Variants in CHRM2 observed in about 807,000 individuals in gnomAD.
CHRM2 encodes muscarinic acetylcholine receptor M2.
CHRM2 carries 8 observed loss-of-function variants against 25.0 expected under a neutral mutation model. That is an observed-to-expected ratio of 0.32 (90% CI 0.19 to 0.58). CHRM2 has a LOEUF of 0.58. Among genes scored for constraint, CHRM2 ranks in the 20% least tolerant of loss-of-function variants. The probability of loss-of-function intolerance (pLI) is 0.88; values close to 1 mark genes in which losing one functional copy is unlikely to be tolerated. For synonymous variants in CHRM2, 202 were observed against 205.7 expected (o/e 0.98, Z 0.15); for missense variants, 440 against 567.1 (o/e 0.78, Z 2.28).
intron 3 of CHRM2, among the ~76,000 whole-genome samples, chr7:137,006,276 G>C (rs367861084): frequency 6.6e-6 from 1 of 152,100 alleles, no homozygotes; most frequent in Non-Finnish European, 1.5e-5. Context: ...GGCAGGAGTT[G>C]TATATTGTGT....
intron 2 of CHRM2, chr7:136,902,831 T>C (rs1367086957): frequency 3.6e-6 from 1 of 278,200 alleles, no homozygotes; most frequent in Non-Finnish European, 6.9e-6. Flanking sequence ...CTCAATCAAG[T>C]ACAATTTAAT....
chr7:136,930,356 T>C (rs1798990246), intron 2 of CHRM2, among the ~76,000 whole-genome samples: 2 of 151,604 alleles, frequency 1.3e-5, no homozygotes, highest in South Asian at 4.2e-4. Flanking sequence ...AATAAAGGTT[T>C]CAAAAAGCAT....
chr7:136,881,490 GT>G lies in CHRM2; in HGVS notation c.-125+12074del, dbSNP rs553989146. On this transcript the variant is annotated intron_variant, in intron 2 of 3. Coordinates refer to ENST00000680005, the MANE Select transcript of CHRM2 (RefSeq NM_001006630.2). ...TTTGCTATTGTATTATTTTATTCTTGTTCTGTATTTTCTCTAATCTTACATT... is the reference window on the plus strand; with the variant it reads ...TTTGCTATTGTATTATTTTATTCTTGTCTGTATTTTCTCTAATCTTACATT... 1.9e-4 allele frequency among the ~76,000 whole-genome samples: 29 copies of G among 151,878 alleles called. 1 individual carries two copies. In the South Asian group the frequency reaches 6.0e-3, roughly 31 times the overall value.
Position 136,943,730 on chromosome 7 carries a change from T to C in CHRM2, c.-124-48457T>C, listed in dbSNP as rs528966402. Among the ~76,000 whole-genome samples the C allele has an allele frequency of 2.4e-4, 9 of 37,278 alleles. No individual in the cohort carries two copies. In the South Asian group the frequency reaches 4.0e-3, roughly 17 times the overall value. 24.5% of individuals were successfully genotyped at this position (37,278 alleles called of 152,430 possible). A position where few individuals can be genotyped will look rare whatever the true frequency, so the allele number is the denominator to read the frequency against. On this transcript the variant is annotated intron_variant, in intron 2 of 3. Coordinates refer to ENST00000680005, the MANE Select transcript of CHRM2 (RefSeq NM_001006630.2). Reference sequence around the variant, plus strand: ...AGTTTTTCAAGGCAGTATCAATGATTATCTCAGAAATTCAACAGGAGAATA... The same window carrying C: ...AGTTTTTCAAGGCAGTATCAATGATCATCTCAGAAATTCAACAGGAGAATA...
chr7:137,010,690 T>A (rs1216718911), intron 3 of CHRM2, among the ~76,000 whole-genome samples: 3 of 151,976 alleles, frequency 2.0e-5, no homozygotes, highest in Admixed American at 1.3e-4. Flanking sequence ...AATATTAGTA[T>A]AATCAGGCAA....
chr7:137,014,453 T>G (rs2131128203), intron 3 of CHRM2, among the ~76,000 whole-genome samples: 1 of 152,166 alleles, frequency 6.6e-6, no homozygotes, highest in African/African-American at 2.4e-5. Flanking sequence ...AGGAATCCCT[T>G]GATGTTTTAG....
At chr7:136,958,023 A>G (rs925638948) in intron 2 of CHRM2, among the ~76,000 whole-genome samples, 6 of 152,370 alleles carry the variant, frequency 3.9e-5, no homozygotes, top group Non-Finnish European at 5.9e-5. Flanking sequence ...GCTTGATATT[A>G]TGTAATCTAT....
At chr7:136,877,617 G>A (rs1196672877) in intron 2 of CHRM2, among the ~76,000 whole-genome samples, 1 of 152,024 alleles carries the variant, frequency 6.6e-6, no homozygotes, top group Non-Finnish European at 1.5e-5. Flanking sequence ...TAGAGAAAGT[G>A]AGAGAATTGT....
At chr7:136,892,985 A>G (rs1045167289) in intron 2 of CHRM2, among the ~76,000 whole-genome samples, 1 of 152,126 alleles carries the variant, frequency 6.6e-6, no homozygotes, top group Non-Finnish European at 1.5e-5. Flanking sequence ...GGTTAGATTA[A>G]GAGTGCATGT....
At chr7:136,958,783 G>A (rs1800882082) in intron 2 of CHRM2, among the ~76,000 whole-genome samples, 1 of 152,018 alleles carries the variant, frequency 6.6e-6, no homozygotes, top group South Asian at 2.1e-4. Context: ...AGTAAGAATG[G>A]GTAAGGAAGT....
At chr7:136,947,824 A>G (rs1310233065) in intron 2 of CHRM2, among the ~76,000 whole-genome samples, 1 of 152,168 alleles carries the variant, frequency 6.6e-6, no homozygotes, top group Non-Finnish European at 1.5e-5. Flanking sequence ...TCTTGGGTAC[A>G]ACTGGAGATA....
Position 137,015,121 on chromosome 7 carries a change from A to G in CHRM2, c.256A>G (p.Ile86Val), listed in dbSNP as rs1435140915. The part of the protein sequence containing the change: ...SMNLYTLYTV[I>V]GYWPLGPVVC... ...GAACTTGTACACCCTCTACACTGTG[A>G]TTGGTTACTGGCCTTTGGGACCTGT... The change falls in exon 4 of 4, where the codon ATT becomes GTT. Residue 86 changes from isoleucine to valine, a missense_variant. Ile to Val is a conservative substitution (Grantham distance 29). This residue lies in a region of CHRM2 where 86 missense variants were observed against 124.9 expected (regional missense o/e 0.69). Transcript: ENST00000680005. This position sits in a 1 kb window ranked among gnomAD's most constrained non-coding sequence, Gnocchi z 5.1. The G allele has an allele frequency of 4.3e-6, 7 of 1,613,492 alleles. No individual in the cohort carries two copies. Among genetic ancestry groups the G allele is most frequent in the Non-Finnish European group, 5.9e-6 (7 of 1,179,624 alleles).
At chr7:136,962,066 T>C (rs544631283) in intron 2 of CHRM2, among the ~76,000 whole-genome samples, 1 of 152,106 alleles carries the variant, frequency 6.6e-6, no homozygotes, top group Non-Finnish European at 1.5e-5. Flanking sequence ...AGACAGACTA[T>C]ACTGTGGGGT....
intron 2 of CHRM2, among the ~76,000 whole-genome samples, chr7:136,948,068 G>A (rs1800174890): frequency 6.6e-6 from 1 of 152,100 alleles, no homozygotes; most frequent in Admixed American, 6.6e-5. Context: ...TGCAGCAGTA[G>A]GCAACAGTTA....
chr7:136,904,086 T>A (rs1797391440), intron 2 of CHRM2, among the ~76,000 whole-genome samples: 1 of 151,914 alleles, frequency 6.6e-6, no homozygotes, highest in Non-Finnish European at 1.5e-5. Context: ...CATTTGCAAG[T>A]GAAACTGAGT....
intron 2 of CHRM2, among the ~76,000 whole-genome samples, chr7:136,896,794 A>G (rs1796920800): frequency 6.6e-6 from 1 of 152,130 alleles, no homozygotes; most frequent in Non-Finnish European, 1.5e-5. Flanking sequence ...ATGTGGCTGC[A>G]GGCATTGGCA....
intron 2 of CHRM2, among the ~76,000 whole-genome samples, chr7:136,878,797 A>G (rs1037272526): frequency 8.6e-5 from 13 of 151,928 alleles, no homozygotes; most frequent in South Asian, 6.2e-4. Context: ...GTGGCTCAGC[A>G]TTATTTCCAC....
intron 2 of CHRM2, among the ~76,000 whole-genome samples, chr7:136,888,184 G>A (rs1796542940): frequency 6.6e-6 from 1 of 152,132 alleles, no homozygotes; most frequent in South Asian, 2.1e-4. Context: ...ATTTTACCTG[G>A]GAGCTGCCAT....
intron 2 of CHRM2, among the ~76,000 whole-genome samples, chr7:136,974,494 CAA>C (rs1243455327): frequency 6.6e-6 from 1 of 152,002 alleles, no homozygotes. Flanking sequence ...GGCATTTTAG[CAA>C]AGACTTGGAG....
Sources: allele counts gnomAD v4.1 joint callset (sites outside exome capture counted in the v4.1 genomes callset), GRCh38; gene constraint gnomAD v4.1.1; regional missense constraint gnomAD v4.1.1; non-coding constraint Gnocchi (gnomAD v3.1); transcripts MANE v1.5; gene names NCBI Gene and HGNC (gene_info 2026-07-23, HGNC 2026-07-21).